Variants in ANGPT2 observed in about 807,000 individuals in gnomAD.
ANGPT2 encodes the protein angiopoietin 2, also known as angiopoietin-2.
Under a neutral mutation model 62.9 loss-of-function variants are expected in ANGPT2, and 28 were observed. The observed-to-expected ratio is 0.44, with a 90% CI of 0.33 to 0.61. ANGPT2 has a LOEUF of 0.61. ANGPT2 is among the 20% of genes least tolerant of loss of function. ANGPT2 has a pLI of 0.03. For synonymous variants in ANGPT2, 284 were observed against 207.8 expected (o/e 1.37, Z -3.15); for missense variants, 727 against 594.9 (o/e 1.22, Z -2.31).
chr8:6,562,552 C>CTTTTTTTTGTTTTTTTTTTT (rs1825704936), intron 1 of ANGPT2, 95 bp downstream of exon 1: 1 of 71,748 alleles, frequency 1.4e-5, no homozygotes, highest in Non-Finnish European at 2.6e-5. Context: ...CATCCTCCTT[C>CTTTTTTTTGTTTTTTTTTTT]TTTTTTTTTT....
intron 1 of ANGPT2, among the ~76,000 whole-genome samples, chr8:6,542,772 A>G (rs1054390945): frequency 7.9e-5 from 12 of 152,168 alleles, no homozygotes; most frequent in Non-Finnish European, 1.3e-4. Flanking sequence ...TGGAGGAGGT[A>G]GCATGATCAT....
At chr8:6,552,715 G>C (rs181515799) in intron 1 of ANGPT2, among the ~76,000 whole-genome samples, 210 of 152,128 alleles carry the variant, frequency 1.4e-3, no homozygotes, top group African/African-American at 4.8e-3. Flanking sequence ...CACTGATGTA[G>C]GTAAGAAAAC....
At chr8:6,503,360 C>T (rs1812581628) in intron 8 of ANGPT2, 99 bp from the exon 9 acceptor site, 5 of 1,269,862 alleles carry the variant, frequency 3.9e-6, no homozygotes, top group South Asian at 1.3e-5. Flanking sequence ...ACACTGCAGG[C>T]GTGTGGAGTA....
chr8:6,556,199 G>A (rs1177308455), intron 1 of ANGPT2, among the ~76,000 whole-genome samples: 2 of 151,850 alleles, frequency 1.3e-5, no homozygotes, highest in African/African-American at 4.8e-5. Flanking sequence ...TTTAAAATAT[G>A]TACTATATAA....
chr8:6,508,727 A>G (rs1412173886), intron 8 of ANGPT2: 5 of 694,702 alleles, frequency 7.2e-6, no homozygotes, highest in Middle Eastern at 3.9e-4. Context: ...TGGCTTGCTG[A>G]CAAGTCTAGC....
intron 3 of ANGPT2, among the ~76,000 whole-genome samples, chr8:6,522,295 C>T (rs1281220836): frequency 1.3e-5 from 2 of 151,732 alleles, no homozygotes; most frequent in Non-Finnish European, 2.9e-5. Context: ...GCGGAGCTTG[C>T]AGTGAGCTGA....
intron 1 of ANGPT2, among the ~76,000 whole-genome samples, chr8:6,557,593 C>T (rs557476947): frequency 6.6e-6 from 1 of 152,008 alleles, no homozygotes; most frequent in East Asian, 1.9e-4. Flanking sequence ...TAATTAGAGT[C>T]GACTGTATCA....
intron 1 of ANGPT2, among the ~76,000 whole-genome samples, chr8:6,557,652 A>T (rs1162066067): frequency 1.3e-5 from 2 of 150,876 alleles, no homozygotes; most frequent in African/African-American, 4.9e-5. Flanking sequence ...GAACAAATAT[A>T]TATTTTTTAT....
chr8:6,524,783 A>G (rs1047739562), intron 3 of ANGPT2, among the ~76,000 whole-genome samples: 1 of 152,354 alleles, frequency 6.6e-6, no homozygotes, highest in African/African-American at 2.4e-5. Context: ...AGGTCTGTAA[A>G]TAGAAGTTAT....
chr8:6,510,812 T>C (rs1038384655), intron 7 of ANGPT2, among the ~76,000 whole-genome samples: 2 of 152,200 alleles, frequency 1.3e-5, no homozygotes, highest in African/African-American at 4.8e-5. Context: ...TGCTCCTAAG[T>C]GACTTCAGTA....
At chr8:6,516,450 T>C (rs960581183) in intron 5 of ANGPT2, among the ~76,000 whole-genome samples, 1 of 152,196 alleles carries the variant, frequency 6.6e-6, no homozygotes, top group African/African-American at 2.4e-5. Context: ...ATGTTTTTTT[T>C]CCACTGACAT....
rs774660071 is a variant in ANGPT2 at position 6,532,454 on chromosome 8, C to A, written c.322G>T (p.Glu108Ter). The change falls in exon 2 of 9, where the codon GAA becomes TAA. Residue 108 changes from glutamate to a stop codon, truncating the protein, a stop_gained. Transcript: ENST00000629816. LOFTEE classifies it high-confidence loss of function. ...GCATTCTGCTGTATCTCTACCATTT[C>A]TTTCTTCATGTTGTCCTGGATATAA... ...ENYIQDNMKK[E>*]MVEIQQNAVQ... is the part of the protein sequence containing the mutation. The A allele has an allele frequency of 6.2e-7, 1 of 1,613,366 alleles. No homozygotes were observed. The highest frequency in any genetic ancestry group is 1.7e-5 in the Admixed American group (1 of 59,926).
chr8:6,520,112 C>T, intron 4 of ANGPT2, 121 bp from the exon 5 acceptor site: 2 of 1,134,046 alleles, frequency 1.8e-6, no homozygotes, highest in East Asian at 2.5e-5. Context: ...AAGCAAAAGG[C>T]TGTACCACTT....
At chr8:6,531,933 A>T (rs1163701340) in intron 2 of ANGPT2, among the ~76,000 whole-genome samples, 1 of 152,202 alleles carries the variant, frequency 6.6e-6, no homozygotes, top group East Asian at 1.9e-4. Context: ...ATTTAAGGCC[A>T]GAGTTTCTAG....
chr8:6,504,179 G>A (rs375261756), intron 8 of ANGPT2, among the ~76,000 whole-genome samples: 5 of 151,960 alleles, frequency 3.3e-5, no homozygotes, highest in African/African-American at 4.8e-5. Context: ...TTAGCCGGGC[G>A]TGGTGGCGGA....
At chr8:6,514,549 G>T in intron 6 of ANGPT2, 128 bp downstream of exon 6, 1 of 795,154 alleles carries the variant, frequency 1.3e-6, no homozygotes. Flanking sequence ...GGAGACTGAA[G>T]CACCAATTTT....
intron 1 of ANGPT2, among the ~76,000 whole-genome samples, chr8:6,540,860 C>A (rs563558127): frequency 6.6e-6 from 1 of 152,236 alleles, no homozygotes. Context: ...TGGACTCAGG[C>A]GGCCACCGCC....
chr8:6,550,711 A>C (rs1823492167), intron 1 of ANGPT2, among the ~76,000 whole-genome samples: 1 of 152,200 alleles, frequency 6.6e-6, no homozygotes, highest in Non-Finnish European at 1.5e-5. Context: ...AGAGGCTCTG[A>C]AAGGAAGAAA....
chr8:6,553,299 T>C (rs1823992031), intron 1 of ANGPT2, among the ~76,000 whole-genome samples: 1 of 152,118 alleles, frequency 6.6e-6, no homozygotes, highest in South Asian at 2.1e-4. Context: ...ATTTACTACA[T>C]ATGAAAAGGA....
Sources: gnomAD v4.1 joint callset for allele counts (sites outside exome capture counted in the v4.1 genomes callset) on GRCh38, gnomAD v4.1.1 for gene constraint, MANE v1.5 for transcripts, NCBI Gene and HGNC (gene_info 2026-07-23, HGNC 2026-07-21) for gene names.